The following CSMD1 variants were observed in gnomAD, a reference collection of about 807,000 sequenced individuals.
CSMD1 encodes the protein CUB and Sushi multiple domains 1.
A neutral mutation model predicts 417.5 loss-of-function variants in CSMD1; 213 were observed. The observed-to-expected ratio is 0.51, with a 90% CI of 0.46 to 0.57. The LOEUF (loss-of-function observed/expected upper bound fraction) is 0.57. Among genes scored for constraint, CSMD1 ranks in the 20% least tolerant of loss-of-function variants. CSMD1 has a pLI of 0.00. For synonymous variants in CSMD1, 2,862 were observed against 1,736.8 expected (o/e 1.65, Z -16.11); for missense variants, 6,923 against 4,529.7 (o/e 1.53, Z -15.17).
intron 41 of CSMD1, among the ~76,000 whole-genome samples, chr8:3,137,326 C>G (rs1818160289): frequency 6.6e-6 from 1 of 152,206 alleles, no homozygotes; most frequent in South Asian, 2.1e-4. Flanking sequence ...CAAATAAAGG[C>G]AAGCCCTGCA....
intron 5 of CSMD1, among the ~76,000 whole-genome samples, chr8:3,844,090 C>T (rs540254025): frequency 6.6e-6 from 1 of 152,106 alleles, no homozygotes; most frequent in African/African-American, 2.4e-5. Flanking sequence ...CCATCTAAAC[C>T]TGCCCCTCCT....
chr8:3,213,861 T>C (rs545618074), intron 30 of CSMD1, among the ~76,000 whole-genome samples: 3,234 of 150,876 alleles, frequency 0.021, 111 homozygotes, highest in African/African-American at 0.073. Flanking sequence ...CATACACATA[T>C]ATATATATAT....
chr8:3,305,643 A>T (rs1013206244), intron 25 of CSMD1, among the ~76,000 whole-genome samples: 2 of 152,160 alleles, frequency 1.3e-5, no homozygotes. Context: ...CCCATCCTCC[A>T]GAACTGTTAA....
At chr8:4,549,629 C>T (rs930770022) in intron 2 of CSMD1, among the ~76,000 whole-genome samples, 1 of 152,012 alleles carries the variant, frequency 6.6e-6, no homozygotes, top group African/African-American at 2.4e-5. Flanking sequence ...TGGCTCACAC[C>T]GGTAATCCCA....
chr8:4,353,890 G>C (rs951018701), intron 3 of CSMD1, among the ~76,000 whole-genome samples: 1 of 152,164 alleles, frequency 6.6e-6, no homozygotes, highest in Non-Finnish European at 1.5e-5. Flanking sequence ...CCAGGGAAAA[G>C]AGCATGTTCA....
In CSMD1 at chr8:3,223,845, C is replaced by A. The variant is rs372578300; in HGVS notation, c.4368G>T (p.Thr1456=). 6.2e-7 allele frequency: 1 copy of A among 1,613,710 alleles called. No individual in the cohort carries two copies. Among genetic ancestry groups the A allele is most frequent in the Non-Finnish European group, 8.5e-7 (1 of 1,179,782 alleles). The part of the protein sequence containing the change: ...TCIAACGGNL[T]GPAGVILSPN... ...GTGACAAAATAACACCTGCTGGGCC[C>A]GTCAGATTCCCTCCACAAGCAGCTG... Residue 1456 remains threonine, a synonymous_variant, in exon 28 of 70, where the codon ACG becomes ACT. Coordinates refer to ENST00000635120, the MANE Select transcript of CSMD1 (RefSeq NM_033225.6).
chr8:3,420,427 A>G (rs1450363303), intron 12 of CSMD1, among the ~76,000 whole-genome samples: 1 of 151,972 alleles, frequency 6.6e-6, no homozygotes, highest in African/African-American at 2.4e-5. Flanking sequence ...CACTAGGAAA[A>G]AAAAAAAAAA....
chr8:3,155,780 A>T (rs933958088), intron 39 of CSMD1, among the ~76,000 whole-genome samples: 1 of 152,170 alleles, frequency 6.6e-6, no homozygotes, highest in Non-Finnish European at 1.5e-5. Flanking sequence ...ACTGTCCTCT[A>T]AGGTATATTT....
At chr8:4,668,127 T>C (rs908288424) in intron 1 of CSMD1, among the ~76,000 whole-genome samples, 1 of 152,202 alleles carries the variant, frequency 6.6e-6, no homozygotes, top group Admixed American at 6.5e-5. Context: ...TTGCCTCGTA[T>C]CAAACTCAAT....
intron 1 of CSMD1, among the ~76,000 whole-genome samples, chr8:4,694,148 G>A (rs1039255405): frequency 1.6e-4 from 24 of 152,112 alleles, no homozygotes; most frequent in Admixed American, 5.2e-4. Flanking sequence ...GAATTTCCTT[G>A]TGGACAAAAG....
chr8:3,845,221 A>G (rs77307476), intron 5 of CSMD1, among the ~76,000 whole-genome samples: 2,426 of 152,324 alleles, frequency 0.016, 64 homozygotes, highest in African/African-American at 0.054. Context: ...TCTCCTAACA[A>G]TGGAGATACA....
chr8:3,585,379 C>T (rs4875746), intron 9 of CSMD1, among the ~76,000 whole-genome samples: 77,037 of 151,966 alleles, frequency 0.51, 20,230 homozygotes, highest in Non-Finnish European at 0.58. Context: ...CAAACTAGGG[C>T]TTTTTCTCCC....
chr8:4,153,875 G>T (rs58795226), intron 3 of CSMD1, among the ~76,000 whole-genome samples: 4 of 151,998 alleles, frequency 2.6e-5, no homozygotes, highest in African/African-American at 7.3e-5. Flanking sequence ...CCTGACTCAT[G>T]GCAGCAAACT....
chr8:3,084,024 G>A (rs1814336869), intron 49 of CSMD1, among the ~76,000 whole-genome samples: 1 of 151,984 alleles, frequency 6.6e-6, no homozygotes, highest in Non-Finnish European at 1.5e-5. Context: ...TCTTTTTGTT[G>A]TTGTTGTTGT....
intron 3 of CSMD1, among the ~76,000 whole-genome samples, chr8:4,153,732 G>C (rs1444351436): frequency 6.6e-6 from 1 of 152,182 alleles, no homozygotes; most frequent in African/African-American, 2.4e-5. Flanking sequence ...CCATGCAGTG[G>C]GCACGGTTTC....
intron 3 of CSMD1, among the ~76,000 whole-genome samples, chr8:4,105,254 C>T (rs980951442): frequency 5.9e-5 from 9 of 152,052 alleles, no homozygotes; most frequent in Non-Finnish European, 8.8e-5. Flanking sequence ...TATTGATCAA[C>T]GGCCGTATTC....
intron 3 of CSMD1, among the ~76,000 whole-genome samples, chr8:4,136,912 A>C (rs79303265): frequency 0.027 from 4,097 of 152,252 alleles, 188 homozygotes; most frequent in African/African-American, 0.092. Flanking sequence ...AGTCACAGCC[A>C]CTCTTTCTCC....
intron 6 of CSMD1, among the ~76,000 whole-genome samples, chr8:3,728,727 G>C (rs1004617884): frequency 6.6e-5 from 10 of 152,118 alleles, no homozygotes; most frequent in African/African-American, 2.4e-4. Flanking sequence ...AAAATGGTGG[G>C]CATGGTCTGT....
At chr8:4,365,844 G>T (rs532246334) in intron 3 of CSMD1, among the ~76,000 whole-genome samples, 1 of 152,278 alleles carries the variant, frequency 6.6e-6, no homozygotes, top group Non-Finnish European at 1.5e-5. Flanking sequence ...TTCCACCAAG[G>T]AAACATCACT....
Sources: gnomAD v4.1 joint callset for allele counts (sites outside exome capture counted in the v4.1 genomes callset) on GRCh38, gnomAD v4.1.1 for gene constraint, MANE v1.5 for transcripts, NCBI Gene and HGNC (gene_info 2026-07-23, HGNC 2026-07-21) for gene names.